Variants in FUT8 observed in about 807,000 individuals in gnomAD.
FUT8 encodes fucosyltransferase 8, also known as alpha-(1,6)-fucosyltransferase.
Under a neutral mutation model 71.3 loss-of-function variants are expected in FUT8, and 29 were observed. The observed-to-expected ratio is 0.41, with a 90% confidence interval of 0.30 to 0.55. The LOEUF is 0.55. Ranked by LOEUF, FUT8 falls within the 20% of genes least tolerant of loss-of-function variation. The pLI, the probability that FUT8 is intolerant of heterozygous loss-of-function variation, is 0.34. For missense variants in FUT8, 544 were observed against 702.1 expected (o/e 0.77, Z 2.55); for synonymous variants, 254 against 239.3 (o/e 1.06, Z -0.57).
At chr14:65,402,033 G>C in the FUT8 span, among the ~76,000 whole-genome samples, 1 of 151,864 alleles carries the variant, frequency 6.6e-6, no homozygotes. Context: ...CAGTGTTTCA[G>C]CTCTGGGGTA....
chr14:65,627,399 A>C lies in FUT8; in HGVS notation c.483-2093A>C, dbSNP rs1889953590. 6.6e-6 allele frequency among the ~76,000 whole-genome samples: 1 copy of C among 152,240 alleles called. No individual in the cohort carries two copies. The highest frequency in any genetic ancestry group is 1.5e-5 in the Non-Finnish European group (1 of 68,038). On this transcript the variant is annotated intron_variant, in intron 5 of 10. Transcript: ENST00000673929. This position sits in a 1 kb window ranked among gnomAD's most constrained non-coding sequence, Gnocchi z 4.0. ...TTTAGAACAGGCATGAGAGTTTATT[A>C]AAATGTTTTAGAGCAGGAATGAAAG...
intron 7 of FUT8, among the ~76,000 whole-genome samples, chr14:65,706,170 A>G (rs1894542105): frequency 6.6e-6 from 1 of 152,202 alleles, no homozygotes; most frequent in Non-Finnish European, 1.5e-5. Context: ...TGGTGCTAAT[A>G]TTAATGCCAT....
Position 65,607,040 on chromosome 14 carries a change from G to T in FUT8, c.204-8938G>T, listed in dbSNP as rs1888624415. On this transcript the variant is annotated intron_variant, in intron 3 of 10. Coordinates refer to ENST00000673929, the MANE Select transcript of FUT8 (RefSeq NM_001371533.1). The surrounding 1 kb of genome is among the most constrained non-coding windows in gnomAD (Gnocchi z 4.1). ...TAATTTGTGGTTGTTGTTGTATAGA[G>T]ACTTTAATTTCTGTACATTGATATT... Among the ~76,000 whole-genome samples, 1 of 151,864 alleles carries T rather than the reference G, an allele frequency of 6.6e-6. No homozygotes were observed. Among genetic ancestry groups the T allele is most frequent in the Non-Finnish European group, 1.5e-5 (1 of 67,888 alleles).
At chr14:65,701,582 G>A (rs1894297680) in intron 7 of FUT8, among the ~76,000 whole-genome samples, 1 of 152,096 alleles carries the variant, frequency 6.6e-6, no homozygotes, top group Non-Finnish European at 1.5e-5. Context: ...CCCTAAATGT[G>A]TCATACAAAT....
chr14:65,393,751 G>A, the FUT8 span, among the ~76,000 whole-genome samples: 5 of 152,128 alleles, frequency 3.3e-5, no homozygotes, highest in African/African-American at 9.7e-5. Flanking sequence ...CTTCTAGTCC[G>A]TGTGGCATCT....
intron 2 of FUT8, 84 bp from the exon 3 acceptor site, chr14:65,561,253 C>G (rs1355378531): frequency 7.6e-6 from 2 of 263,476 alleles, no homozygotes; most frequent in Non-Finnish European, 7.3e-6. Flanking sequence ...CCAGTCAACA[C>G]CAATGTGTTT....
chr14:65,618,470 CT>C (rs2140233123), intron 5 of FUT8, among the ~76,000 whole-genome samples: 1 of 152,094 alleles, frequency 6.6e-6, no homozygotes, highest in South Asian at 2.1e-4. Flanking sequence ...ATTTTCCTGT[CT>C]TAAACAGAAA....
intron 2 of FUT8, among the ~76,000 whole-genome samples, chr14:65,496,512 A>G (rs1425808135): frequency 6.6e-6 from 1 of 152,038 alleles, no homozygotes; most frequent in Non-Finnish European, 1.5e-5. Context: ...TCGTTCCCCC[A>G]TGCTGTTCTC....
intron 7 of FUT8, among the ~76,000 whole-genome samples, chr14:65,711,827 A>G (rs1894823370): frequency 6.6e-6 from 1 of 152,188 alleles, no homozygotes; most frequent in South Asian, 2.1e-4. Context: ...TATATATCAG[A>G]GGGAGAGAAT....
chr14:65,365,576 G>A, the FUT8 span, among the ~76,000 whole-genome samples: 4 of 14,738 alleles, frequency 2.7e-4, no homozygotes, highest in Non-Finnish European at 8.2e-4. Flanking sequence ...TTGCAGTAAG[G>A]AAGCCAGCTA....
In FUT8 at chr14:65,471,914, G is replaced by T. The variant is rs1182219688; in HGVS notation, c.-228+16196G>T. 2.0e-5 allele frequency among the ~76,000 whole-genome samples: 3 copies of T among 152,090 alleles called. No homozygotes were observed. The East Asian group carries it at 5.8e-4, about 29-fold the overall frequency. On this transcript the variant is annotated intron_variant, in intron 2 of 10. Coordinates refer to ENST00000673929, the MANE Select transcript of FUT8 (RefSeq NM_001371533.1). Reference sequence around the variant, plus strand: ...CTCATTTGGCAGTATTGTTCATTAAGAATTTTATCTCTTTCTGACATCAGG... The same window carrying T: ...CTCATTTGGCAGTATTGTTCATTAATAATTTTATCTCTTTCTGACATCAGG...
At chr14:65,614,103 G>A (rs1889153852) in intron 3 of FUT8, among the ~76,000 whole-genome samples, 2 of 113,650 alleles carry the variant, frequency 1.8e-5, no homozygotes, top group Non-Finnish European at 3.6e-5. Context: ...GACAAATCGA[G>A]ACTGTGTCAA....
chr14:65,557,202 A>G (rs1189995948), intron 2 of FUT8, among the ~76,000 whole-genome samples: 2 of 152,182 alleles, frequency 1.3e-5, no homozygotes. Context: ...ATTGTTCCAG[A>G]GACATTAAAC....
At chr14:65,499,770 A>G (rs1005512407) in intron 2 of FUT8, among the ~76,000 whole-genome samples, 12 of 150,400 alleles carry the variant, frequency 8.0e-5, no homozygotes, top group Non-Finnish European at 1.8e-4. Context: ...GTGATCTGTG[A>G]TTGTACCATT....
At chr14:65,408,458 G>C (rs563979459), upstream of FUT8, among the ~76,000 whole-genome samples, 532 of 152,326 alleles carry the variant, frequency 3.5e-3, 2 homozygotes, top group African/African-American at 0.012. Context: ...TGGAAAGAGA[G>C]AGTAAGCATG....
intron 1 of FUT8, among the ~76,000 whole-genome samples, chr14:65,423,174 C>T (rs1489094217): frequency 1.3e-5 from 2 of 151,106 alleles, no homozygotes; most frequent in African/African-American, 2.4e-5. Context: ...TTTGTAGAGA[C>T]GGGGTTTCAC....
At chr14:65,586,354 T>C (rs2140127434) in intron 3 of FUT8, among the ~76,000 whole-genome samples, 1 of 152,346 alleles carries the variant, frequency 6.6e-6, no homozygotes, top group South Asian at 2.1e-4. Flanking sequence ...ATGCAGTTCT[T>C]AGCTAAGACA....
intron 1 of FUT8, among the ~76,000 whole-genome samples, chr14:65,427,346 T>G (rs917272094): frequency 6.6e-6 from 1 of 152,182 alleles, no homozygotes; most frequent in Non-Finnish European, 1.5e-5. Context: ...AGTTCTATTT[T>G]TAATATTTTG....
Position 65,669,203 on chromosome 14 carries a change from A to T in FUT8, c.598-40A>T. On this transcript the variant is annotated intron_variant, in intron 6 of 10. Coordinates refer to ENST00000673929, the MANE Select transcript of FUT8 (RefSeq NM_001371533.1). This position sits in a 1 kb window ranked among gnomAD's most constrained non-coding sequence, Gnocchi z 4.5. ...AAAAAAGAGCAGTTGACCTCTCTGT[A>T]CAACTTATCTTTATTTTCATTTCTC... 6.7e-7 allele frequency: 1 copy of T among 1,487,632 alleles called. No homozygotes were observed. Among genetic ancestry groups the T allele is most frequent in the Non-Finnish European group, 9.3e-7 (1 of 1,072,188 alleles). 92.2% of individuals were successfully genotyped at this position (1,487,632 alleles called of 1,614,324 possible). A position where few individuals can be genotyped will look rare whatever the true frequency, so the allele number is the denominator to read the frequency against.
Sources: allele counts gnomAD v4.1 joint callset (sites outside exome capture counted in the v4.1 genomes callset), GRCh38; gene constraint gnomAD v4.1.1; non-coding constraint Gnocchi (gnomAD v3.1); transcripts MANE v1.5; gene names NCBI Gene and HGNC (gene_info 2026-07-23, HGNC 2026-07-21).